The following PDE4D variants were observed in gnomAD, a reference collection of about 807,000 sequenced individuals.
The protein encoded by PDE4D is 3',5'-cyclic-AMP phosphodiesterase 4D.
PDE4D carries 24 observed loss-of-function variants against 87.4 expected under a neutral mutation model. The ratio of observed to expected loss-of-function variants is 0.27; its 90% CI spans 0.20 to 0.39. The LOEUF is 0.39. Among genes scored for constraint, PDE4D ranks in the 10% least tolerant of loss-of-function variants. PDE4D has a pLI of 1.00. For synonymous variants in PDE4D, 384 were observed against 383.2 expected (o/e 1.00, Z -0.02); for missense variants, 714 against 1,041.0 (o/e 0.69, Z 4.32).
At chr5:59,834,548 A>C (rs1741711696) in intron 1 of PDE4D, among the ~76,000 whole-genome samples, 1 of 152,010 alleles carries the variant, frequency 6.6e-6, no homozygotes, top group Non-Finnish European at 1.5e-5. Context: ...GGCTGTGTGG[A>C]GTAGAGAGGA....
upstream of PDE4D, among the ~76,000 whole-genome samples, chr5:59,895,530 G>A (rs1273407462): frequency 6.6e-6 from 1 of 152,198 alleles, no homozygotes; most frequent in Non-Finnish European, 1.5e-5. Context: ...AGTGTGACTG[G>A]TGGCAGTGGT....
intron 1 of PDE4D, among the ~76,000 whole-genome samples, chr5:59,387,813 A>G (rs1787398986): frequency 6.6e-6 from 1 of 151,832 alleles, no homozygotes; most frequent in Admixed American, 6.6e-5. Flanking sequence ...CTAAAAATCT[A>G]CTCTTTTAGC....
chr5:59,594,147 T>C (rs1826307756), intron 1 of PDE4D, among the ~76,000 whole-genome samples: 1 of 4,806 alleles, frequency 2.1e-4, no homozygotes, highest in South Asian at 0.022. Flanking sequence ...ACCTATGGTA[T>C]AAGAAAAAAA....
intron 1 of PDE4D, among the ~76,000 whole-genome samples, chr5:59,794,119 A>G (rs1325703574): frequency 1.4e-5 from 2 of 147,534 alleles, no homozygotes; most frequent in Non-Finnish European, 3.0e-5. Flanking sequence ...ACAGATACAC[A>G]GACACACACA....
At chr5:60,224,883 C>T (rs1744913862) in intron 1 of PDE4D, among the ~76,000 whole-genome samples, 2 of 151,756 alleles carry the variant, frequency 1.3e-5, no homozygotes, top group Non-Finnish European at 2.9e-5. Flanking sequence ...GAGCAAGCCA[C>T]TCTAGGGATC....
intron 1 of PDE4D, among the ~76,000 whole-genome samples, chr5:59,785,446 A>C (rs1381507264): frequency 6.6e-6 from 1 of 152,244 alleles, no homozygotes; most frequent in East Asian, 1.9e-4. Context: ...TATTAGTGGA[A>C]AAAGCACAAA....
chr5:59,313,827 A>G (rs997150855), intron 1 of PDE4D, among the ~76,000 whole-genome samples: 2 of 152,126 alleles, frequency 1.3e-5, no homozygotes, highest in Non-Finnish European at 2.9e-5. Context: ...TAATCCCCTC[A>G]TGGAAAGGCC....
chr5:60,438,769 G>T (rs941758346), intron 1 of PDE4D, among the ~76,000 whole-genome samples: 2 of 152,076 alleles, frequency 1.3e-5, no homozygotes, highest in African/African-American at 4.8e-5. Flanking sequence ...GAAGGTGCTT[G>T]ATTGTACTCC....
At chr5:60,082,426 T>TAAACA (rs2152904545) in intron 2 of PDE4D, among the ~76,000 whole-genome samples, 2 of 152,278 alleles carry the variant, frequency 1.3e-5, no homozygotes, top group East Asian at 3.9e-4. Context: ...GTGAGATAAA[T>TAAACA]GTTTGTTGCT....
intron 1 of PDE4D, among the ~76,000 whole-genome samples, chr5:59,516,311 T>C (rs1811144571): frequency 6.6e-6 from 1 of 152,196 alleles, no homozygotes; most frequent in South Asian, 2.1e-4. Flanking sequence ...CTGGATTTTT[T>C]TTCCCTCTTT....
At chr5:59,381,090 G>A (rs2153602788) in intron 1 of PDE4D, among the ~76,000 whole-genome samples, 1 of 152,234 alleles carries the variant, frequency 6.6e-6, no homozygotes. Flanking sequence ...TGGATGCCAT[G>A]ACATTTTACA....
chr5:60,147,128 T>C (rs888849561), intron 2 of PDE4D, among the ~76,000 whole-genome samples: 8 of 151,960 alleles, frequency 5.3e-5, no homozygotes, highest in Non-Finnish European at 1.2e-4. Context: ...AGCAGCCCTA[T>C]AGGAAAAAAA....
At chr5:58,997,280 TCACAAATTGGTTTTGGAGTGCA>T (rs1427038205) in intron 6 of PDE4D, among the ~76,000 whole-genome samples, 1 of 152,152 alleles carries the variant, frequency 6.6e-6, no homozygotes, top group Non-Finnish European at 1.5e-5. Flanking sequence ...GTAGTTGATC[TCACAAATTGGTTTTGGAGTGCA>T]TAGCTAGATG....
rs1219969103 is a variant in PDE4D at position 59,205,396 on chromosome 5, CT to C, written c.647+10380del. ...CTAGGTCAGTGTCCCAGAAATTTTA[CT>C]GGGTCATAAAATCCCAAGGCATGGA... On this transcript the variant is annotated intron_variant, in intron 2 of 14. Transcript: ENST00000340635. Among the ~76,000 whole-genome samples, 5 of 152,218 alleles carry C rather than the reference CT, an allele frequency of 3.3e-5. No homozygotes were observed. In the East Asian group the frequency reaches 9.6e-4, roughly 29 times the overall value.
chr5:60,081,036 A>C (rs184273482), intron 2 of PDE4D, among the ~76,000 whole-genome samples: 9 of 152,222 alleles, frequency 5.9e-5, no homozygotes, highest in African/African-American at 2.2e-4. Flanking sequence ...GTAGGCCATT[A>C]ATTACTGCCT....
chr5:59,232,969 A>C (rs755775155), intron 1 of PDE4D, among the ~76,000 whole-genome samples: 3 of 152,304 alleles, frequency 2.0e-5, no homozygotes, highest in Middle Eastern at 6.8e-3. Context: ...GTTCTCACTC[A>C]TAAGTGGGTG....
intron 1 of PDE4D, among the ~76,000 whole-genome samples, chr5:59,382,306 A>G (rs921142951): frequency 6.6e-6 from 1 of 152,214 alleles, no homozygotes; most frequent in African/African-American, 2.4e-5. Context: ...GTGGTGAAAC[A>G]TATTACTTAT....
intron 2 of PDE4D, among the ~76,000 whole-genome samples, chr5:60,038,221 ATG>A: frequency 6.6e-6 from 1 of 152,224 alleles, no homozygotes; most frequent in South Asian, 2.1e-4. Flanking sequence ...CTGAATGGTA[ATG>A]TCTAGGTTTT....
At chr5:59,924,796 G>C (rs1755059209) in intron 3 of PDE4D, among the ~76,000 whole-genome samples, 1 of 152,160 alleles carries the variant, frequency 6.6e-6, no homozygotes, top group African/African-American at 2.4e-5. Context: ...AATATGCAGA[G>C]AAACGCAGGA....
Sources: allele counts gnomAD v4.1 joint callset (sites outside exome capture counted in the v4.1 genomes callset), GRCh38; gene constraint gnomAD v4.1.1; transcripts MANE v1.5; gene names NCBI Gene and HGNC (gene_info 2026-07-23, HGNC 2026-07-21).